The following FAM184A variants were observed in gnomAD, a reference collection of about 807,000 sequenced individuals.
The protein encoded by FAM184A is family with sequence similarity 184 member A.
FAM184A carries 99 observed loss-of-function variants against 143.8 expected under a neutral mutation model. That is an observed-to-expected ratio of 0.69 (90% confidence interval 0.58 to 0.81). The LOEUF is 0.81. Ranked by LOEUF, FAM184A falls within the 40% of genes least tolerant of loss-of-function variation. The pLI, the probability that FAM184A is intolerant of heterozygous loss-of-function variation, is 0.00. For synonymous variants in FAM184A, 427 were observed against 446.4 expected (o/e 0.96, Z 0.55); for missense variants, 1,217 against 1,310.5 (o/e 0.93, Z 1.10).
At chr6:119,014,161 G>C (rs1475997792) in intron 5 of FAM184A, among the ~76,000 whole-genome samples, 3 of 152,184 alleles carry the variant, frequency 2.0e-5, no homozygotes, top group Admixed American at 6.5e-5. Flanking sequence ...ATAAGAATTA[G>C]ATTTTTTAAA....
At chr6:118,972,585 A>G (rs1783728258) in intron 14 of FAM184A, among the ~76,000 whole-genome samples, 1 of 152,202 alleles carries the variant, frequency 6.6e-6, no homozygotes, top group Non-Finnish European at 1.5e-5. Flanking sequence ...AAAAGCAAAT[A>G]CTAATTCTTT....
chr6:118,985,414 C>T (rs1784161672), intron 9 of FAM184A, among the ~76,000 whole-genome samples: 1 of 152,166 alleles, frequency 6.6e-6, no homozygotes, highest in Admixed American at 6.5e-5. Context: ...ATATATCTTC[C>T]AAGATGAGTA....
chr6:119,001,577 A>G (rs1784758579), intron 9 of FAM184A, among the ~76,000 whole-genome samples: 1 of 152,186 alleles, frequency 6.6e-6, no homozygotes, highest in African/African-American at 2.4e-5. Context: ...AGAAGAAAAC[A>G]AAATTCAGAG....
At chr6:119,115,559 G>A (rs1789034464) in intron 1 of FAM184A, among the ~76,000 whole-genome samples, 1 of 152,154 alleles carries the variant, frequency 6.6e-6, no homozygotes, top group Non-Finnish European at 1.5e-5. Context: ...TTAAAAGACT[G>A]ATGATGCCAC....
intron 1 of FAM184A, among the ~76,000 whole-genome samples, chr6:119,041,304 G>A (rs1786319276): frequency 6.6e-6 from 1 of 152,154 alleles, no homozygotes; most frequent in Non-Finnish European, 1.5e-5. Flanking sequence ...AGACTAGCTG[G>A]ATTTCCCAGG....
chr6:119,089,210 T>TTTGTTTATTTATTTA (rs1182578500), intron 1 of FAM184A, among the ~76,000 whole-genome samples: 13 of 126,848 alleles, frequency 1.0e-4, no homozygotes, highest in African/African-American at 3.7e-4. Context: ...TTATTTATTT[T>TTTGTTTATTTATTTA]TTTATTTTTT....
In FAM184A at chr6:119,034,025, T is replaced by A. The variant is rs1470467869; in HGVS notation, c.160-9212A>T. On this transcript the variant is annotated intron_variant, in intron 1 of 17. Transcript: ENST00000338891. The stretch of plus-strand genomic sequence containing the variant: ...AAAAAAAAAAAAAAAAAAAAATATA[T>A]ATATATATATATATATAGAGAGAGA... 5.0e-3 allele frequency among the ~76,000 whole-genome samples: 129 copies of A among 25,664 alleles called. 2 individuals are homozygous for A. Among genetic ancestry groups the A allele is most frequent in the African/African-American group, 0.012 (86 of 6,928 alleles). The allele number at this position is 25,664 out of a possible 152,430, so 16.8% of individuals were successfully genotyped here. A position where few individuals can be genotyped will look rare whatever the true frequency, so the allele number is the denominator to read the frequency against.
chr6:119,034,041 TAGAGAGAGAGAGAG>T lies in FAM184A; in HGVS notation c.160-9242_160-9229del, dbSNP rs57162948. Reference sequence around the variant, plus strand: ...AAAAATATATATATATATATATATATAGAGAGAGAGAGAGAGAGAGAGAGAGAGAGAGAGTTAAA... The same window carrying T: ...AAAAATATATATATATATATATATATAGAGAGAGAGAGAGAGAGAGTTAAA... On this transcript the variant is annotated intron_variant, in intron 1 of 17. Transcript: ENST00000338891. 3.2e-3 allele frequency among the ~76,000 whole-genome samples: 133 copies of T among 41,996 alleles called. 1 individual carries two copies. Among genetic ancestry groups the T allele is most frequent in the Non-Finnish European group, 4.4e-3 (114 of 26,080 alleles). 27.6% of individuals were successfully genotyped at this position (41,996 alleles called of 152,430 possible).
At chr6:119,077,910 G>A (rs899021253) in intron 1 of FAM184A, among the ~76,000 whole-genome samples, 5 of 152,272 alleles carry the variant, frequency 3.3e-5, no homozygotes, top group African/African-American at 1.2e-4. Context: ...AAAGGGCAAG[G>A]AGGTGCAAGT....
chr6:118,992,440 T>C (rs1187022295), intron 9 of FAM184A, among the ~76,000 whole-genome samples: 1 of 152,122 alleles, frequency 6.6e-6, no homozygotes, highest in Non-Finnish European at 1.5e-5. Flanking sequence ...AGGTGATTAG[T>C]TGATGAGGGC....
In FAM184A at chr6:119,115,654, CA is replaced by C. The variant is rs1469530753; in HGVS notation, c.-202+33423del. On this transcript the variant is annotated intron_variant, in intron 1 of 16. Transcript: ENST00000352896. ...GCAGGTCAAGTTTCCCAAGCTGGTT[CA>C]AATGGCTTAAGAGAGCAGGGTATAT... Among the ~76,000 whole-genome samples, 3 of 152,164 alleles carry C rather than the reference CA, an allele frequency of 2.0e-5. No homozygotes were observed. The East Asian group carries it at 5.8e-4, about 29-fold the overall frequency.
At chr6:118,981,869 C>T (rs1437975206) in intron 9 of FAM184A, among the ~76,000 whole-genome samples, 1 of 152,170 alleles carries the variant, frequency 6.6e-6, no homozygotes, top group East Asian at 1.9e-4. Flanking sequence ...AGTGACTCCA[C>T]CTGTTCAAAC....
intron 1 of FAM184A, among the ~76,000 whole-genome samples, chr6:119,090,072 G>A (rs1788329200): frequency 6.6e-6 from 1 of 152,102 alleles, no homozygotes; most frequent in South Asian, 2.1e-4. Flanking sequence ...TCAACCAGAA[G>A]CCAACTGGTT....
intron 1 of FAM184A, among the ~76,000 whole-genome samples, chr6:119,141,778 CT>C (rs969737462): frequency 1.5e-4 from 23 of 151,980 alleles, no homozygotes; most frequent in Non-Finnish European, 2.6e-4. Context: ...TGCCCGGCCC[CT>C]GTGCTCCTTA....
intron 1 of FAM184A, among the ~76,000 whole-genome samples, chr6:119,090,446 G>A (rs922649168): frequency 6.6e-6 from 1 of 152,186 alleles, no homozygotes; most frequent in Non-Finnish European, 1.5e-5. Flanking sequence ...TCCAGCAGGT[G>A]CTTGAGGGAA....
At chr6:119,141,864 C>T (rs1329364744) in intron 1 of FAM184A, among the ~76,000 whole-genome samples, 1 of 152,186 alleles carries the variant, frequency 6.6e-6, no homozygotes, top group Non-Finnish European at 1.5e-5. Flanking sequence ...TCAGTAGCAC[C>T]TATTCCAATA....
chr6:119,018,433 A>G (rs1785336881), intron 4 of FAM184A, among the ~76,000 whole-genome samples: 1 of 152,228 alleles, frequency 6.6e-6, no homozygotes, highest in Admixed American at 6.5e-5. Flanking sequence ...CAAGTAGCTA[A>G]CCAGATGGGA....
At position 119,023,560 on chromosome 6, in the gene FAM184A, C is replaced by A. The variant is rs969832876; in HGVS notation, c.1014+399G>T. On this transcript the variant is annotated intron_variant, in intron 2 of 17. Transcript: ENST00000338891. ...AATAATTAGCAATATTGTCCGCCCC[C>A]CCCCCCAGGAACAGCGTATTACCTC... Among the ~76,000 whole-genome samples, 166 of 119,942 alleles carry A rather than the reference C, an allele frequency of 1.4e-3. 4 individuals are homozygous for A. Among genetic ancestry groups the A allele is most frequent in the African/African-American group, 4.5e-3 (145 of 32,270 alleles). The allele number at this position is 119,942 out of a possible 152,430, so 78.7% of individuals were successfully genotyped here.
intron 1 of FAM184A, among the ~76,000 whole-genome samples, chr6:119,146,500 AG>A (rs2114898973): frequency 6.6e-6 from 1 of 151,718 alleles, no homozygotes; most frequent in Admixed American, 6.6e-5. Context: ...ACGTGATCAC[AG>A]CCCACTGCAG....
Sources: gnomAD v4.1 joint callset for allele counts (sites outside exome capture counted in the v4.1 genomes callset) on GRCh38, gnomAD v4.1.1 for gene constraint, MANE v1.5 for transcripts, NCBI Gene and HGNC (gene_info 2026-07-23, HGNC 2026-07-21) for gene names.